The following MACROD2 variants were observed in gnomAD, a reference collection of about 807,000 sequenced individuals.
MACROD2 encodes the protein ADP-ribose glycohydrolase MACROD2.
In MACROD2, 36 loss-of-function variants were observed where a neutral mutation model predicts 70.4. The observed-to-expected ratio is 0.51, with a 90% CI of 0.39 to 0.68. The LOEUF is 0.68. Among genes scored for constraint, MACROD2 ranks in the 30% least tolerant of loss-of-function variants. The pLI is 0.00. For synonymous variants in MACROD2, 172 were observed against 178.8 expected (o/e 0.96, Z 0.30); for missense variants, 496 against 538.4 (o/e 0.92, Z 0.78).
At chr20:14,308,958 A>G (rs1249772651) in intron 3 of MACROD2, among the ~76,000 whole-genome samples, 1 of 152,178 alleles carries the variant, frequency 6.6e-6, no homozygotes, top group Non-Finnish European at 1.5e-5. Flanking sequence ...TTGCTGAGAA[A>G]GGATATGCAT....
At chr20:15,677,388 G>T (rs531854009) in intron 8 of MACROD2, among the ~76,000 whole-genome samples, 38 of 152,106 alleles carry the variant, frequency 2.5e-4, no homozygotes, top group African/African-American at 8.2e-4. Context: ...GGGAAGTGGG[G>T]TGGAGGTTTG....
At chr20:14,093,163 C>A (rs986080302) in intron 3 of MACROD2, among the ~76,000 whole-genome samples, 12 of 152,144 alleles carry the variant, frequency 7.9e-5, no homozygotes, top group African/African-American at 2.9e-4. Context: ...TCAATGCAGG[C>A]TTGAGCTCCT....
At chr20:14,731,596 A>G (rs1029844107) in intron 5 of MACROD2, among the ~76,000 whole-genome samples, 3 of 152,092 alleles carry the variant, frequency 2.0e-5, no homozygotes, top group Non-Finnish European at 2.9e-5. Flanking sequence ...TTCAATTTCT[A>G]TATGATTTGG....
chr20:14,053,801 C>T (rs1181311688), intron 2 of MACROD2: 2 of 151,910 alleles, frequency 1.3e-5, no homozygotes, highest in Non-Finnish European at 2.9e-5. Flanking sequence ...TTTTGTGATG[C>T]GTAATCATGA....
intron 5 of MACROD2, among the ~76,000 whole-genome samples, chr20:14,694,452 C>A (rs1027612085): frequency 6.6e-6 from 1 of 152,144 alleles, no homozygotes; most frequent in African/African-American, 2.4e-5. Context: ...TACTGCCTCT[C>A]TTAGTCTCTT....
chr20:14,366,347 TA>T (rs2083271990), intron 3 of MACROD2, among the ~76,000 whole-genome samples: 3 of 150,216 alleles, frequency 2.0e-5, no homozygotes, highest in African/African-American at 7.3e-5. Context: ...TATCTATATA[TA>T]GTGTCCTTTT....
chr20:14,444,496 G>T (rs758670414), intron 3 of MACROD2, among the ~76,000 whole-genome samples: 7 of 151,670 alleles, frequency 4.6e-5, no homozygotes, highest in Non-Finnish European at 8.8e-5. Flanking sequence ...TCTTAATATT[G>T]AAATAACCCG....
At chr20:15,913,093 A>G (rs1417306136) in intron 10 of MACROD2, among the ~76,000 whole-genome samples, 2 of 152,196 alleles carry the variant, frequency 1.3e-5, no homozygotes, top group African/African-American at 4.8e-5. Context: ...TGTATTATTA[A>G]AAAAACCATT....
At chr20:15,423,073 G>C (rs573383689) in intron 6 of MACROD2, among the ~76,000 whole-genome samples, 2 of 140,622 alleles carry the variant, frequency 1.4e-5, no homozygotes, top group East Asian at 4.0e-4. Context: ...TGTTATGATA[G>C]ATTATAATAA....
intron 7 of MACROD2, among the ~76,000 whole-genome samples, chr20:15,497,253 A>G (rs917720610): frequency 6.6e-6 from 1 of 152,112 alleles, no homozygotes; most frequent in African/African-American, 2.4e-5. Context: ...AAGGCCTCCT[A>G]TGGTTAATCC....
chr20:14,958,198 T>C (rs1275104039), intron 5 of MACROD2, among the ~76,000 whole-genome samples: 1 of 152,232 alleles, frequency 6.6e-6, no homozygotes, highest in Non-Finnish European at 1.5e-5. Flanking sequence ...TCAGTCAGAA[T>C]GCAAAGGATG....
chr20:15,882,023 C>T (rs908371531), intron 9 of MACROD2, among the ~76,000 whole-genome samples: 4 of 152,028 alleles, frequency 2.6e-5, no homozygotes, highest in African/African-American at 4.8e-5. Context: ...AATCCTAACC[C>T]TAAGAAGTTG....
intron 5 of MACROD2, among the ~76,000 whole-genome samples, chr20:14,826,608 G>C (rs975730233): frequency 1.3e-5 from 2 of 151,972 alleles, no homozygotes; most frequent in Admixed American, 6.6e-5. Flanking sequence ...CACTCAATGC[G>C]TGTCTCTCCA....
At chr20:15,360,676 C>G (rs1206477057) in intron 6 of MACROD2, among the ~76,000 whole-genome samples, 1 of 152,120 alleles carries the variant, frequency 6.6e-6, no homozygotes, top group Non-Finnish European at 1.5e-5. Flanking sequence ...CAATTTTACA[C>G]TCCCTTCAGC....
In MACROD2 at chr20:15,878,636, A is replaced by G. The variant is rs968175473; in HGVS notation, c.728-7128A>G. Among the ~76,000 whole-genome samples, 3 of 152,120 alleles carry G rather than the reference A, an allele frequency of 2.0e-5. No homozygotes were observed. The South Asian group carries it at 6.2e-4, about 31-fold the overall frequency. ...TAAGACAAATCTGAAGTCATTCCAAAACCCATAGCATACTTCCTTTTCCAA... is the reference window on the plus strand; with the variant it reads ...TAAGACAAATCTGAAGTCATTCCAAGACCCATAGCATACTTCCTTTTCCAA... On this transcript the variant is annotated intron_variant, in intron 9 of 17. Transcript: ENST00000684519.
chr20:15,408,993 T>C (rs35394106), intron 6 of MACROD2, among the ~76,000 whole-genome samples: 18,293 of 152,246 alleles, frequency 0.12, 1,448 homozygotes, highest in Non-Finnish European at 0.17. Context: ...TATTAATGCA[T>C]TAAGCCTCTT....
intron 5 of MACROD2, among the ~76,000 whole-genome samples, chr20:14,770,465 T>A (rs1355432174): frequency 1.3e-5 from 2 of 152,088 alleles, no homozygotes; most frequent in African/African-American, 4.8e-5. Flanking sequence ...CTGTGTTTGT[T>A]CTATATGTTT....
chr20:14,408,149 A>C (rs1039877864), intron 3 of MACROD2, among the ~76,000 whole-genome samples: 1 of 152,162 alleles, frequency 6.6e-6, no homozygotes, highest in Non-Finnish European at 1.5e-5. Context: ...ACACTTGTAA[A>C]ATCTGTGCAC....
chr20:14,483,718 T>G (rs989623210), intron 3 of MACROD2, among the ~76,000 whole-genome samples: 2 of 152,212 alleles, frequency 1.3e-5, no homozygotes, highest in Non-Finnish European at 2.9e-5. Context: ...TCTTCTCAAG[T>G]TTTTAAACCT....
Sources: allele counts gnomAD v4.1 joint callset (sites outside exome capture counted in the v4.1 genomes callset), GRCh38; gene constraint gnomAD v4.1.1; transcripts MANE v1.5; gene names NCBI Gene and HGNC (gene_info 2026-07-23, HGNC 2026-07-21).